GPM6A: variants seen among roughly 807,000 people sequenced by gnomAD.
GPM6A encodes glycoprotein M6A, also known as neuronal membrane glycoprotein M6-a.
GPM6A carries 7 observed loss-of-function variants against 32.1 expected under a neutral mutation model. The observed-to-expected ratio is 0.22, with a 90% CI of 0.12 to 0.41. GPM6A has a LOEUF of 0.41. GPM6A is among the 10% of genes least tolerant of loss of function. GPM6A has a pLI of 1.00. For synonymous variants in GPM6A, 130 were observed against 123.4 expected (o/e 1.05, Z -0.35); for missense variants, 235 against 347.2 (o/e 0.68, Z 2.57).
chr4:175,787,596 C>A, intron 1 of GPM6A: 1 of 1,344,738 alleles, frequency 7.4e-7, no homozygotes, highest in Non-Finnish European at 9.5e-7. Context: ...TCTAATTCAG[C>A]TTTTTTCCCC....
chr4:175,975,692 G>A (rs1222688407), intron 1 of GPM6A, among the ~76,000 whole-genome samples: 1 of 152,102 alleles, frequency 6.6e-6, no homozygotes, highest in Non-Finnish European at 1.5e-5. Context: ...CACTGATTTA[G>A]TATTAGATAA....
At chr4:175,726,241 T>A (rs6846479) in intron 1 of GPM6A, among the ~76,000 whole-genome samples, 1 of 151,570 alleles carries the variant, frequency 6.6e-6, no homozygotes, top group African/African-American at 2.4e-5. Flanking sequence ...CCTCGTGATC[T>A]GCCCTCCTCG....
intron 1 of GPM6A, among the ~76,000 whole-genome samples, chr4:175,738,122 G>C (rs1459977351): frequency 6.6e-6 from 1 of 152,104 alleles, no homozygotes; most frequent in African/African-American, 2.4e-5. Flanking sequence ...ATTTTTAGTA[G>C]AGGTGGGGTT....
intron 4 of GPM6A, among the ~76,000 whole-genome samples, chr4:175,650,141 G>C (rs1327919667): frequency 2.0e-5 from 3 of 152,000 alleles, no homozygotes; most frequent in African/African-American, 7.3e-5. Flanking sequence ...GTCACCCATA[G>C]AGCATATTAT....
At chr4:175,646,128 C>A (rs1427336861) in intron 4 of GPM6A, among the ~76,000 whole-genome samples, 3 of 152,142 alleles carry the variant, frequency 2.0e-5, no homozygotes, top group African/African-American at 7.2e-5. Context: ...TTCTTAAAAT[C>A]AGTTGATTAG....
chr4:175,873,459 A>G (rs1015179371), intron 1 of GPM6A, among the ~76,000 whole-genome samples: 5 of 152,142 alleles, frequency 3.3e-5, no homozygotes, highest in African/African-American at 9.7e-5. Flanking sequence ...TTTATTTGCT[A>G]TTCAGCTATG....
chr4:175,776,159 G>C (rs752574175), intron 1 of GPM6A, among the ~76,000 whole-genome samples: 5 of 152,114 alleles, frequency 3.3e-5, no homozygotes, highest in Non-Finnish European at 7.4e-5. Flanking sequence ...TTCAAAAAGA[G>C]ATCTATGGCA....
intron 1 of GPM6A, among the ~76,000 whole-genome samples, chr4:175,898,716 T>C (rs1210960849): frequency 6.6e-6 from 1 of 152,176 alleles, no homozygotes; most frequent in African/African-American, 2.4e-5. Flanking sequence ...AAAGACTAAA[T>C]ACTACCAAAA....
intron 1 of GPM6A, among the ~76,000 whole-genome samples, chr4:175,854,606 C>G (rs1366009130): frequency 6.6e-6 from 1 of 152,148 alleles, no homozygotes; most frequent in African/African-American, 2.4e-5. Flanking sequence ...CCTATAATTG[C>G]CTTGTTACTG....
intron 2 of GPM6A, among the ~76,000 whole-genome samples, chr4:175,682,543 G>T (rs1470036428): frequency 6.6e-6 from 1 of 152,176 alleles, no homozygotes; most frequent in Non-Finnish European, 1.5e-5. Context: ...CTTTGTGGTA[G>T]CCTCTCCCAT....
At chr4:175,777,232 C>T (rs2643998) in intron 1 of GPM6A, among the ~76,000 whole-genome samples, 118,435 of 151,942 alleles carry the variant, frequency 0.78, 46,370 homozygotes, top group East Asian at 0.89. Context: ...CCATTGTGAG[C>T]AAGGTCCTGA....
rs564057430 is a variant in GPM6A at position 175,934,210 on chromosome 4, T to C, written c.-23+68099A>G. 3.3e-5 allele frequency among the ~76,000 whole-genome samples: 5 copies of C among 152,222 alleles called. No homozygotes were observed. The South Asian group carries it at 6.2e-4, about 19-fold the overall frequency. ...CTATGCTTAAAATGGTTGCATTCCA[T>C]TGTGGGTAAATTTTTCCTCCTTAAA... On this transcript the variant is annotated intron_variant, in intron 1 of 7. Transcript: ENST00000280187.
chr4:175,750,002 T>C (rs923571041), intron 1 of GPM6A, among the ~76,000 whole-genome samples: 2 of 152,126 alleles, frequency 1.3e-5, no homozygotes, highest in Admixed American at 1.3e-4. Flanking sequence ...TACATAAAGA[T>C]CAGATTCCAC....
chr4:175,763,020 T>C (rs981832162), intron 1 of GPM6A, among the ~76,000 whole-genome samples: 1 of 152,198 alleles, frequency 6.6e-6, no homozygotes, highest in Non-Finnish European at 1.5e-5. Flanking sequence ...GCTGCCTGTG[T>C]TCTAAAAACC....
chr4:175,917,357 C>T (rs1050077569), intron 1 of GPM6A, among the ~76,000 whole-genome samples: 1 of 152,072 alleles, frequency 6.6e-6, no homozygotes, highest in African/African-American at 2.4e-5. Flanking sequence ...AAGCACTGCC[C>T]CTTGCCTGCA....
intron 1 of GPM6A, among the ~76,000 whole-genome samples, chr4:175,993,592 T>A (rs1045603795): frequency 2.0e-5 from 3 of 152,206 alleles, no homozygotes; most frequent in African/African-American, 7.2e-5. Flanking sequence ...TCCTGTCTCC[T>A]GCAATGACCA....
At chr4:175,964,810 G>A (rs1740282879) in intron 1 of GPM6A, among the ~76,000 whole-genome samples, 1 of 152,140 alleles carries the variant, frequency 6.6e-6, no homozygotes, top group African/African-American at 2.4e-5. Context: ...AGACATCAGA[G>A]CAAGGAAGGT....
intron 1 of GPM6A, among the ~76,000 whole-genome samples, chr4:175,842,729 A>G (rs2111388163): frequency 6.6e-6 from 1 of 152,124 alleles, no homozygotes. Context: ...GAGAGAATAA[A>G]CATAGTTCTT....
intron 1 of GPM6A, among the ~76,000 whole-genome samples, chr4:175,845,732 C>A (rs1736067579): frequency 2.0e-5 from 3 of 152,000 alleles, no homozygotes; most frequent in Admixed American, 1.3e-4. Flanking sequence ...CTTATCTGGA[C>A]CATTACAATC....
Sources: gnomAD v4.1 joint callset for allele counts (sites outside exome capture counted in the v4.1 genomes callset) on GRCh38, gnomAD v4.1.1 for gene constraint, MANE v1.5 for transcripts, NCBI Gene and HGNC (gene_info 2026-07-23, HGNC 2026-07-21) for gene names.